MECOM: variants seen among roughly 807,000 people sequenced by gnomAD.
The protein encoded by MECOM is MDS1 and EVI1 complex locus, also known as histone-lysine N-methyltransferase MECOM.
In MECOM, 13 loss-of-function variants were observed where a neutral mutation model predicts 116.3. That is an observed-to-expected ratio of 0.11 (90% confidence interval 0.07 to 0.18). The LOEUF (loss-of-function observed/expected upper bound fraction) is 0.18. Ranked by LOEUF, MECOM falls within the 10% of genes least tolerant of loss-of-function variation. MECOM has a pLI of 1.00. For missense variants in MECOM, 1,299 were observed against 1,509.0 expected (o/e 0.86, Z 2.31); for synonymous variants, 528 against 535.2 (o/e 0.99, Z 0.19).
chr3:169,251,765 G>A (rs1022227401), intron 2 of MECOM, among the ~76,000 whole-genome samples: 1 of 152,162 alleles, frequency 6.6e-6, no homozygotes, highest in African/African-American at 2.4e-5. Flanking sequence ...TCACACTACT[G>A]CTTGCAAAGT....
At chr3:169,324,111 C>T (rs1721396301) in intron 2 of MECOM, among the ~76,000 whole-genome samples, 1 of 152,114 alleles carries the variant, frequency 6.6e-6, no homozygotes, top group Non-Finnish European at 1.5e-5. Flanking sequence ...TTTTATTTCA[C>T]CAGAGTAGGG....
intron 2 of MECOM, among the ~76,000 whole-genome samples, chr3:169,210,232 G>A (rs1381015637): frequency 6.6e-6 from 1 of 152,108 alleles, no homozygotes; most frequent in East Asian, 1.9e-4. Flanking sequence ...GCTAATGTAT[G>A]TGGGGCTTAA....
At chr3:169,451,746 AC>A (rs1291837436) in intron 1 of MECOM, among the ~76,000 whole-genome samples, 1 of 152,164 alleles carries the variant, frequency 6.6e-6, no homozygotes, top group East Asian at 1.9e-4. Flanking sequence ...AATACAGTTT[AC>A]ACAAAATTTC....
chr3:169,234,556 G>A (rs752671236), intron 2 of MECOM, among the ~76,000 whole-genome samples: 65 of 152,218 alleles, frequency 4.3e-4, no homozygotes, highest in Middle Eastern at 6.8e-3. Context: ...ATTTTTAGCT[G>A]ATTTAAAAAA....
intron 2 of MECOM, among the ~76,000 whole-genome samples, chr3:169,300,569 C>G (rs1269832689): frequency 1.3e-5 from 2 of 152,174 alleles, no homozygotes; most frequent in African/African-American, 4.8e-5. Context: ...ATGAACAAGT[C>G]TAATCATGGT....
At chr3:169,499,931 G>A (rs1159964303) in intron 1 of MECOM, among the ~76,000 whole-genome samples, 1 of 151,960 alleles carries the variant, frequency 6.6e-6, no homozygotes, top group Non-Finnish European at 1.5e-5. Context: ...ATTTTCTAAG[G>A]CTCTCTAGCC....
At chr3:169,398,605 A>G (rs987160462) in intron 1 of MECOM, among the ~76,000 whole-genome samples, 6 of 152,080 alleles carry the variant, frequency 3.9e-5, no homozygotes, top group African/African-American at 1.4e-4. Context: ...GTGTCCATAT[A>G]TATCCTCTGG....
At position 169,225,291 on chromosome 3, in the gene MECOM, G is replaced by A. The variant is rs184508391; in HGVS notation, c.376-81459C>T. Among the ~76,000 whole-genome samples, 250 of 152,280 alleles carry A rather than the reference G, an allele frequency of 1.6e-3. 1 individual carries two copies. The highest frequency in any genetic ancestry group is 1.2e-3 in the Non-Finnish European group (82 of 68,024). ...TGTTCAATATCCCATAGTCTATTAA[G>A]AACTAATGTTAGTTAAGTAGAGATT... On this transcript the variant is annotated intron_variant, in intron 2 of 16. Coordinates refer to ENST00000651503, the MANE Select transcript of MECOM (RefSeq NM_004991.4).
At chr3:169,425,106 C>G (rs1049721520) in intron 1 of MECOM, among the ~76,000 whole-genome samples, 1 of 150,672 alleles carries the variant, frequency 6.6e-6, no homozygotes, top group African/African-American at 2.5e-5. Flanking sequence ...GAAACCCCCC[C>G]CCACTTGCAT....
At chr3:169,153,680 T>C (rs560927335) in intron 2 of MECOM, among the ~76,000 whole-genome samples, 10 of 152,312 alleles carry the variant, frequency 6.6e-5, no homozygotes, top group Admixed American at 5.2e-4. Flanking sequence ...GGGGAAAGTT[T>C]GTTGGAAGCT....
intron 2 of MECOM, among the ~76,000 whole-genome samples, chr3:169,312,055 G>C (rs1026565894): frequency 5.9e-5 from 9 of 152,130 alleles, no homozygotes; most frequent in Admixed American, 3.9e-4. Flanking sequence ...TTGTGAGCAC[G>C]GTAGGAACTT....
chr3:169,636,663 T>C (rs1772798542), intron 1 of MECOM, among the ~76,000 whole-genome samples: 1 of 152,178 alleles, frequency 6.6e-6, no homozygotes, highest in South Asian at 2.1e-4. Context: ...TTGACCATTA[T>C]ATCAGGTGAG....
chr3:169,092,894 A>G, intron 14 of MECOM, 64 bp downstream of exon 14: 4 of 1,595,276 alleles, frequency 2.5e-6, no homozygotes, highest in Non-Finnish European at 3.4e-6. Flanking sequence ...GAGCATAGCA[A>G]GTATATTTTA....
At chr3:169,217,463 T>G (rs1270149373) in intron 2 of MECOM, among the ~76,000 whole-genome samples, 3 of 152,026 alleles carry the variant, frequency 2.0e-5, no homozygotes, top group Non-Finnish European at 4.4e-5. Flanking sequence ...TAACATAACC[T>G]CACTACTATA....
Position 169,418,820 on chromosome 3 carries a change from CT to C in MECOM, c.38-37297del, listed in dbSNP as rs1457913100. The stretch of plus-strand genomic sequence containing the variant: ...GAATTGGCAAAACCTGGAAGCATTC[CT>C]TTTGAAAACCGGCACAAGACAAAGA... On this transcript the variant is annotated intron_variant, in intron 1 of 16. Transcript: ENST00000651503. 3.3e-5 allele frequency among the ~76,000 whole-genome samples: 5 copies of C among 152,258 alleles called. No individual in the cohort carries two copies. In the East Asian group the frequency reaches 9.6e-4, roughly 29 times the overall value.
chr3:169,250,643 T>A (rs1756138872), intron 2 of MECOM, among the ~76,000 whole-genome samples: 1 of 152,224 alleles, frequency 6.6e-6, no homozygotes, highest in Non-Finnish European at 1.5e-5. Flanking sequence ...GTTTATTATG[T>A]CTGTGAGTAA....
chr3:169,177,179 C>A (rs547195135), intron 2 of MECOM, among the ~76,000 whole-genome samples: 3 of 152,244 alleles, frequency 2.0e-5, no homozygotes, highest in East Asian at 3.9e-4. Flanking sequence ...ATGTTTATTG[C>A]AGCACTATTT....
At chr3:169,491,957 CAATAA>C (rs1305126794) in intron 1 of MECOM, among the ~76,000 whole-genome samples, 1 of 152,120 alleles carries the variant, frequency 6.6e-6, no homozygotes, top group Non-Finnish European at 1.5e-5. Flanking sequence ...TTGTTTAACT[CAATAA>C]AACAGGCACA....
chr3:169,640,212 T>C (rs1159027595), intron 1 of MECOM, among the ~76,000 whole-genome samples: 4 of 152,172 alleles, frequency 2.6e-5, no homozygotes, highest in African/African-American at 2.4e-5. Flanking sequence ...ATTTCTAAAG[T>C]TGATAAATCC....
Sources: allele counts gnomAD v4.1 joint callset (sites outside exome capture counted in the v4.1 genomes callset), GRCh38; gene constraint gnomAD v4.1.1; transcripts MANE v1.5; gene names NCBI Gene and HGNC (gene_info 2026-07-23, HGNC 2026-07-21).